NID2: variants seen among roughly 807,000 people sequenced by gnomAD.
The protein encoded by NID2 is nidogen 2.
A neutral mutation model predicts 145.4 loss-of-function variants in NID2; 83 were observed. The ratio of observed to expected loss-of-function variants is 0.57; its 90% CI spans 0.48 to 0.69. The LOEUF is 0.69. Among genes scored for constraint, NID2 ranks in the 30% least tolerant of loss-of-function variants. The pLI, the probability that NID2 is intolerant of heterozygous loss-of-function variation, is 0.00. For missense variants in NID2, 1,807 were observed against 1,765.7 expected, an observed-to-expected ratio of 1.02 and a Z score of -0.42; for synonymous variants, 739 against 701.3, an observed-to-expected ratio of 1.05 and a Z score of -0.85.
Position 52,005,839 on chromosome 14 carries a change from C to A in NID2, c.4015G>T (p.Val1339Leu). Residue 1339 changes from valine to leucine, a missense_variant, in exon 21 of 22, where the codon GTA (valine) becomes TTA (leucine). Coordinates refer to ENST00000216286, the MANE Select transcript of NID2 (RefSeq NM_007361.4). ...YHTDWRRDGV[V>L]SVNKHSGQFT... is the part of the protein sequence containing the mutation. ...TGGCCACTATGTTTATTTACTGATA[C>A]AACACCATCCCTGGTAACAGAAAGG... 6.2e-7 allele frequency: 1 copy of A among 1,607,352 alleles called. No individual in the cohort carries two copies. The highest frequency in any genetic ancestry group is 8.5e-7 in the Non-Finnish European group (1 of 1,173,890).
chr14:52,007,993 A>C, intron 18 of NID2, 26 bp from the exon 19 acceptor site: 1 of 1,586,160 alleles, frequency 6.3e-7, no homozygotes. Flanking sequence ...CAAGATTGTA[A>C]AAGAATAGCC....
intron 2 of NID2, among the ~76,000 whole-genome samples, chr14:52,063,480 C>G (rs1375009819): frequency 6.6e-6 from 1 of 152,228 alleles, no homozygotes; most frequent in Non-Finnish European, 1.5e-5. Flanking sequence ...TGACACTCAT[C>G]AGAGCCAGGC....
At chr14:52,008,774 G>A (rs950297812) in intron 18 of NID2, 2 of 152,228 alleles carry the variant, frequency 1.3e-5, no homozygotes, top group African/African-American at 4.8e-5. Flanking sequence ...AACTTGAAGA[G>A]ATGTGGACCA....
chr14:52,056,216 C>A lies in NID2; in HGVS notation c.768-1895G>T, dbSNP rs116213211. 6.5e-3 allele frequency among the ~76,000 whole-genome samples: 983 copies of A among 152,098 alleles called. 15 individuals are homozygous for A. Among genetic ancestry groups the A allele is most frequent in the African/African-American group, 0.023 (935 of 41,482 alleles). ...TGAAATTTCTTCTTGAAGTTAGAAACAGAAACTATAAAATCTTCAAACAGT... is the reference window on the plus strand; with the variant it reads ...TGAAATTTCTTCTTGAAGTTAGAAAAAGAAACTATAAAATCTTCAAACAGT... On this transcript the variant is annotated intron_variant, in intron 3 of 21. Coordinates refer to ENST00000216286, the MANE Select transcript of NID2 (RefSeq NM_007361.4).
At chr14:52,043,118 G>A (rs1892347267) in intron 5 of NID2, among the ~76,000 whole-genome samples, 187 bp from the exon 6 acceptor site, 2 of 152,140 alleles carry the variant, frequency 1.3e-5, no homozygotes, top group African/African-American at 2.4e-5. Context: ...AAGAAGAATT[G>A]CTTACTGCTC....
rs1891623915 is a variant in NID2 at position 52,027,318 on chromosome 14, C to G, written c.2557G>C (p.Glu853Gln). Residue 853 changes from glutamate to glutamine, a missense_variant, in exon 12 of 22, where the codon GAG becomes CAG. Glu to Gln is a conservative substitution (Grantham distance 29). Coordinates refer to ENST00000216286, the MANE Select transcript of NID2 (RefSeq NM_007361.4). ...GGAGCACAGGTATGACTGCCATCCT[C>G]ACAGGGGTTGGCAGGTGGGGTGATC... is the stretch of plus-strand genomic sequence containing the variant. The part of the protein sequence containing the change: ...ILITPPANPC[E>Q]DGSHTCAPAG... 6.3e-7 allele frequency: 1 copy of G among 1,584,850 alleles called. No homozygotes were observed. The highest frequency in any genetic ancestry group is 1.4e-5 in the African/African-American group (1 of 72,814).
At chr14:52,044,368 C>T (rs1268092277) in intron 5 of NID2, among the ~76,000 whole-genome samples, 2 of 142,108 alleles carry the variant, frequency 1.4e-5, no homozygotes, top group Admixed American at 7.5e-5. Context: ...CTCCCAGGTT[C>T]ACGCCATTCT....
At chr14:52,043,650 T>G (rs1892367986) in intron 5 of NID2, among the ~76,000 whole-genome samples, 1 of 152,146 alleles carries the variant, frequency 6.6e-6, no homozygotes, top group African/African-American at 2.4e-5. Context: ...CTAGGATAAA[T>G]TCAGTGCTCT....
chr14:52,068,193 A>T, intron 1 of NID2, 30 bp from the exon 2 acceptor site: 1 of 1,601,052 alleles, frequency 6.2e-7, no homozygotes, highest in Non-Finnish European at 8.5e-7. Flanking sequence ...AAAAGGTGAC[A>T]GTCGCTCAAG....
At chr14:52,032,211 C>T (rs191309948) in intron 9 of NID2, among the ~76,000 whole-genome samples, 122 of 152,316 alleles carry the variant, frequency 8.0e-4, no homozygotes, top group African/African-American at 2.9e-3. Flanking sequence ...GGAATATTCC[C>T]GTATTATTGA....
chr14:52,044,681 C>T lies in NID2; in HGVS notation c.1430-1750G>A, dbSNP rs189785395. On this transcript the variant is annotated intron_variant, in intron 5 of 21. Transcript: ENST00000216286. The stretch of plus-strand genomic sequence containing the variant: ...AAGCTGGAGAGCAGTGGTGCCATCT[C>T]GGCTCACTGAAAGCTCGACTTCCCA... Among the ~76,000 whole-genome samples, 25 of 152,224 alleles carry T rather than the reference C, an allele frequency of 1.6e-4. 1 individual carries two copies. The highest frequency in any genetic ancestry group is 1.5e-3 in the South Asian group (7 of 4,826).
In NID2 at chr14:52,060,205, C is replaced by T. The variant is rs765284727; in HGVS notation, c.686G>A (p.Arg229Gln). 40 of 1,613,924 alleles carry T rather than the reference C, an allele frequency of 2.5e-5. No individual in the cohort carries two copies. Among genetic ancestry groups the T allele is most frequent in the South Asian group, 3.3e-5 (3 of 91,078 alleles). ...LQLPARVGFC[R>Q]GEADDLKSEG... is the part of the protein sequence containing the mutation. Reference sequence around the variant, plus strand: ...TGACTTCAGATCATCAGCCTCCCCTCGGCAGAAGCCCACCCGAGCTGGAAG... The same window carrying T: ...TGACTTCAGATCATCAGCCTCCCCTTGGCAGAAGCCCACCCGAGCTGGAAG... Residue 229 changes from arginine (R) to glutamine (Q), a missense_variant, in exon 3 of 22, where the codon CGA (arginine) becomes CAA (glutamine). Coordinates refer to ENST00000216286, the MANE Select transcript of NID2 (RefSeq NM_007361.4).
At chr14:52,005,950 C>T (rs1262592267) in intron 20 of NID2, 101 bp from the exon 21 acceptor site, 6 of 819,750 alleles carry the variant, frequency 7.3e-6, no homozygotes, top group Admixed American at 3.9e-5. Flanking sequence ...AAATTTCTGG[C>T]AGCCTTCTCT....
intron 9 of NID2, among the ~76,000 whole-genome samples, chr14:52,030,036 A>G (rs941645303): frequency 2.0e-5 from 3 of 152,140 alleles, no homozygotes; most frequent in Non-Finnish European, 4.4e-5. Flanking sequence ...TGTTTTCCCC[A>G]TTATGTGTAA....
intron 9 of NID2, among the ~76,000 whole-genome samples, chr14:52,037,119 G>C (rs1280503152): frequency 6.6e-6 from 1 of 152,142 alleles, no homozygotes; most frequent in Admixed American, 6.5e-5. Flanking sequence ...ACTTAGGTCT[G>C]TTGGCCCATT....
Position 52,020,135 on chromosome 14 carries a change from G to T in NID2, c.2718C>A (p.Thr906=), listed in dbSNP as rs768008347. The change falls in exon 13 of 22, where the codon ACC becomes ACA. Residue 906 remains threonine, a synonymous_variant. Coordinates refer to ENST00000216286, the MANE Select transcript of NID2 (RefSeq NM_007361.4). Reference sequence around the variant, plus strand: ...AGAAGGAACCAGGAGTATTGTAGCAGGTAGCTGCAGGGTGACATCTGTTTT... The same window carrying T: ...AGAAGGAACCAGGAGTATTGTAGCATGTAGCTGCAGGGTGACATCTGTTTT... ...CSENRCHPAA[T]CYNTPGSFSC... is the part of the protein sequence containing the mutation. The T allele has an allele frequency of 6.2e-7, 1 of 1,614,110 alleles. No individual in the cohort carries two copies. Among genetic ancestry groups the T allele is most frequent in the Non-Finnish European group, 8.5e-7 (1 of 1,179,936 alleles).
rs567545697 is a variant in NID2 at position 52,068,542 on chromosome 14, G to A, written c.228+225C>T. 8.5e-5 allele frequency among the ~76,000 whole-genome samples: 13 copies of A among 152,332 alleles called. No homozygotes were observed. In the East Asian group the frequency reaches 2.5e-3, roughly 29 times the overall value. ...CAACGCCACCTTTTCTGCCTGGGAC[G>A]CGTACGTGGCTGCGAACAATTCTTG... On this transcript the variant is annotated intron_variant, in intron 1 of 21. Coordinates refer to ENST00000216286, the MANE Select transcript of NID2 (RefSeq NM_007361.4).
At chr14:52,018,957 A>G (rs1249076096) in intron 14 of NID2, 104 bp downstream of exon 14, 1 of 760,242 alleles carries the variant, frequency 1.3e-6, no homozygotes, top group African/African-American at 1.7e-5. Flanking sequence ...GAAAGAGGCT[A>G]TGAAGGATGG....
chr14:52,042,541 T>TTC (rs1680124447), intron 6 of NID2, among the ~76,000 whole-genome samples, 191 bp from the exon 7 acceptor site: 1 of 152,098 alleles, frequency 6.6e-6, no homozygotes. Flanking sequence ...CTCCTCCTTC[T>TTC]ACTCCACTAC....
Sources: allele counts gnomAD v4.1 joint callset (sites outside exome capture counted in the v4.1 genomes callset), GRCh38; gene constraint gnomAD v4.1.1; transcripts MANE v1.5; gene names NCBI Gene and HGNC (gene_info 2026-07-23, HGNC 2026-07-21).